The following RELN variants were observed in gnomAD, a reference collection of about 807,000 sequenced individuals.
RELN encodes the protein reelin.
A neutral mutation model predicts 427.6 loss-of-function variants in RELN; 108 were observed. The ratio of observed to expected loss-of-function variants is 0.25; its 90% CI spans 0.22 to 0.30. RELN has a LOEUF of 0.30. Among genes scored for constraint, RELN ranks in the 10% least tolerant of loss-of-function variants. The probability of loss-of-function intolerance (pLI) is 1.00; values close to 1 mark genes in which losing one functional copy is unlikely to be tolerated. For synonymous variants in RELN, 1,524 were observed against 1,513.4 expected (o/e 1.01, Z -0.16); for missense variants, 3,715 against 4,302.8 (o/e 0.86, Z 3.82).
chr7:103,698,591 G>A (rs77064264), intron 9 of RELN, among the ~76,000 whole-genome samples: 1,771 of 152,216 alleles, frequency 0.012, 33 homozygotes, highest in East Asian at 0.092. Context: ...ACAGATCACC[G>A]TAACCTTGAA....
chr7:103,751,498 G>A (rs1165859382), intron 5 of RELN, among the ~76,000 whole-genome samples: 1 of 152,238 alleles, frequency 6.6e-6, no homozygotes, highest in East Asian at 1.9e-4. Context: ...GAAGCCTCAG[G>A]CATGAGAACA....
At chr7:103,722,669 C>T (rs1790107342) in intron 8 of RELN, among the ~76,000 whole-genome samples, 1 of 152,142 alleles carries the variant, frequency 6.6e-6, no homozygotes, top group South Asian at 2.1e-4. Flanking sequence ...CAGATATGGT[C>T]ATTGTTTTCA....
chr7:103,892,774 T>A (rs1409526613), intron 2 of RELN, among the ~76,000 whole-genome samples: 1 of 152,190 alleles, frequency 6.6e-6, no homozygotes, highest in Non-Finnish European at 1.5e-5. Flanking sequence ...TAAAATATCA[T>A]TTCCAGTAGA....
chr7:103,885,507 A>G (rs1395234124), intron 2 of RELN, among the ~76,000 whole-genome samples: 2 of 152,142 alleles, frequency 1.3e-5, no homozygotes, highest in African/African-American at 4.8e-5. Context: ...CAAACACCAC[A>G]TGTTCTTACT....
At chr7:103,727,647 C>T (rs7793762) in intron 7 of RELN, among the ~76,000 whole-genome samples, 42,287 of 151,996 alleles carry the variant, frequency 0.28, 6,029 homozygotes, top group South Asian at 0.39. Context: ...GTTTATTCAG[C>T]GTGCTCTTTC....
chr7:103,861,353 T>G (rs62482270), intron 2 of RELN, among the ~76,000 whole-genome samples: 1 of 152,194 alleles, frequency 6.6e-6, no homozygotes, highest in Non-Finnish European at 1.5e-5. Context: ...TGCATTATTA[T>G]CAGTTTGGGG....
intron 8 of RELN, among the ~76,000 whole-genome samples, chr7:103,720,188 T>C (rs1351861983): frequency 6.6e-6 from 1 of 151,760 alleles, no homozygotes; most frequent in African/African-American, 2.4e-5. Flanking sequence ...TGTGTGTGTG[T>C]GTGTGTGTGT....
At chr7:103,856,700 T>A (rs1430808542) in intron 2 of RELN, among the ~76,000 whole-genome samples, 1 of 152,124 alleles carries the variant, frequency 6.6e-6, no homozygotes, top group Non-Finnish European at 1.5e-5. Flanking sequence ...CAATTAAGCA[T>A]GTCTGTGCCT....
intron 2 of RELN, among the ~76,000 whole-genome samples, chr7:103,876,788 T>A (rs3835340): frequency 0.52 from 78,235 of 151,400 alleles, 20,525 homozygotes; most frequent in Non-Finnish European, 0.58. Context: ...CTCTTTTTTT[T>A]AAAAAAAAGA....
chr7:103,723,351 G>A (rs1180595287), intron 7 of RELN, among the ~76,000 whole-genome samples, 160 bp from the exon 8 acceptor site: 1 of 152,162 alleles, frequency 6.6e-6, no homozygotes, highest in Non-Finnish European at 1.5e-5. Context: ...TTTTATCAAT[G>A]TGTCTGAACA....
intron 6 of RELN, among the ~76,000 whole-genome samples, chr7:103,729,805 G>T (rs919555894): frequency 6.6e-6 from 1 of 152,078 alleles, no homozygotes; most frequent in Non-Finnish European, 1.5e-5. Context: ...AAAGAACTTA[G>T]AATAGTGCCT....
At chr7:103,889,366 G>A (rs1392338598) in intron 2 of RELN, among the ~76,000 whole-genome samples, 1 of 152,184 alleles carries the variant, frequency 6.6e-6, no homozygotes, top group African/African-American at 2.4e-5. Context: ...GAGGACAGAA[G>A]GTCAGCCACC....
At chr7:103,841,693 T>C (rs1416893756) in intron 2 of RELN, among the ~76,000 whole-genome samples, 2 of 152,160 alleles carry the variant, frequency 1.3e-5, no homozygotes, top group African/African-American at 2.4e-5. Flanking sequence ...AGAAGTTCTA[T>C]GATCCCCCAT....
At chr7:103,538,609 A>G (rs1830108963) in intron 45 of RELN, among the ~76,000 whole-genome samples, 1 of 152,156 alleles carries the variant, frequency 6.6e-6, no homozygotes, top group Admixed American at 6.5e-5. Context: ...TATAGAGAGG[A>G]GACAATAACT....
Position 103,989,328 on chromosome 7 carries a change from G to A in RELN, c.29C>T (p.Thr10Ile), listed in dbSNP as rs1403460416. ...CCCCAGCAACAGCGCTAGGAGGAAA[G>A]TCTGCCGGGCCCAGCCACTGCGCTC... Reference protein sequence around the residue: MERSGWARQTFLLALLLGAT... With the variant: MERSGWARQIFLLALLLGAT... Residue 10 changes from threonine (T) to isoleucine (I), a missense_variant, in exon 1 of 65, where the codon ACT becomes ATT. Transcript: ENST00000428762. This position sits in a 1 kb window ranked among gnomAD's most constrained non-coding sequence, Gnocchi z 4.9. The A allele has an allele frequency of 6.3e-7, 1 of 1,583,076 alleles. No homozygotes were observed. The highest frequency in any genetic ancestry group is 8.6e-7 in the Non-Finnish European group (1 of 1,160,848).
intron 3 of RELN, among the ~76,000 whole-genome samples, chr7:103,782,281 C>T (rs1252882250): frequency 6.6e-6 from 1 of 152,110 alleles, no homozygotes; most frequent in East Asian, 1.9e-4. Context: ...ATGCCCAAAG[C>T]ATTTAAGAAT....
chr7:103,790,196 C>T (rs1418765189), intron 3 of RELN, among the ~76,000 whole-genome samples: 1 of 151,916 alleles, frequency 6.6e-6, no homozygotes, highest in Non-Finnish European at 1.5e-5. Context: ...GGGGCGGGGA[C>T]AAGGGGAGTG....
In RELN at chr7:103,708,884, G is replaced by A. The variant is rs140305672; in HGVS notation, c.806-7878C>T. Among the ~76,000 whole-genome samples, 21 of 152,132 alleles carry A rather than the reference G, an allele frequency of 1.4e-4. No individual in the cohort carries two copies. The East Asian group carries it at 3.9e-3, about 28-fold the overall frequency. ...CTAACCCCGTCACTCGTTGACCTCC[G>A]ATTTAATTTTCTCATTGCATTTATT... On this transcript the variant is annotated intron_variant, in intron 8 of 64. Transcript: ENST00000428762.
At chr7:103,860,936 G>A (rs1794058577) in intron 2 of RELN, among the ~76,000 whole-genome samples, 2 of 152,020 alleles carry the variant, frequency 1.3e-5, no homozygotes, top group African/African-American at 4.8e-5. Flanking sequence ...ACAGGAATAT[G>A]TATATAAAAT....
Sources: allele counts gnomAD v4.1 joint callset (sites outside exome capture counted in the v4.1 genomes callset), GRCh38; gene constraint gnomAD v4.1.1; non-coding constraint Gnocchi (gnomAD v3.1); transcripts MANE v1.5; gene names NCBI Gene and HGNC (gene_info 2026-07-23, HGNC 2026-07-21).